The following FRK variants were observed in gnomAD, a reference collection of about 807,000 sequenced individuals.
FRK encodes the protein tyrosine-protein kinase FRK.
Under a neutral mutation model 56.4 loss-of-function variants are expected in FRK, and 51 were observed. The ratio of observed to expected loss-of-function variants is 0.90; its 90% CI spans 0.72 to 1.14. FRK has a LOEUF of 1.14. Among genes scored for constraint, FRK ranks in the 50% most tolerant of loss-of-function variants. FRK has a pLI of 0.00. For synonymous variants in FRK, 245 were observed against 217.9 expected (o/e 1.12, Z -1.10); for missense variants, 570 against 601.4 (o/e 0.95, Z 0.55).
chr6:115,960,137 G>A (rs1331782243), intron 4 of FRK, among the ~76,000 whole-genome samples: 1 of 151,698 alleles, frequency 6.6e-6, no homozygotes, highest in Non-Finnish European at 1.5e-5. Context: ...GAGGTACCGG[G>A]TTCATCTCAC....
intron 2 of FRK, among the ~76,000 whole-genome samples, chr6:115,973,437 T>A (rs1345478970): frequency 6.6e-6 from 1 of 152,044 alleles, no homozygotes; most frequent in Non-Finnish European, 1.5e-5. Flanking sequence ...TGGGATAGCA[T>A]TAGGAGAAAT....
chr6:116,054,169 T>C (rs1777286351), intron 1 of FRK, among the ~76,000 whole-genome samples: 1 of 151,406 alleles, frequency 6.6e-6, no homozygotes, highest in African/African-American at 2.4e-5. Context: ...AATAATATTA[T>C]ACCTGAGATG....
the FRK span, among the ~76,000 whole-genome samples, chr6:116,093,438 G>C: frequency 2.0e-5 from 3 of 152,324 alleles, no homozygotes; most frequent in South Asian, 6.2e-4. Context: ...GCAAACCTTT[G>C]ATCTCACTTG....
chr6:115,954,922 A>C (rs1772925760), intron 5 of FRK, among the ~76,000 whole-genome samples: 1 of 152,208 alleles, frequency 6.6e-6, no homozygotes. Flanking sequence ...AGCATGGATA[A>C]GAAATAAACA....
At chr6:116,064,552 T>G (rs1168010923), upstream of FRK, among the ~76,000 whole-genome samples, 2 of 152,042 alleles carry the variant, frequency 1.3e-5, no homozygotes, top group Non-Finnish European at 2.9e-5. Flanking sequence ...AGAGTGAAAG[T>G]TCTATAGTGT....
intron 4 of FRK, among the ~76,000 whole-genome samples, chr6:115,957,419 T>A (rs1357160475): frequency 3.3e-5 from 5 of 152,216 alleles, no homozygotes; most frequent in African/African-American, 4.8e-5. Context: ...AATTTTAAAA[T>A]CTTTTCTTTT....
At chr6:116,096,855 G>T in the FRK span, among the ~76,000 whole-genome samples, 1 of 152,156 alleles carries the variant, frequency 6.6e-6, no homozygotes, top group Non-Finnish European at 1.5e-5. Flanking sequence ...TTGGGTCCAT[G>T]CCACCTTTAA....
At chr6:116,065,761 T>C (rs992825905), upstream of FRK, among the ~76,000 whole-genome samples, 5 of 152,216 alleles carry the variant, frequency 3.3e-5, no homozygotes, top group Non-Finnish European at 5.9e-5. Context: ...AATGTAGTGT[T>C]CTTTTGTTCC....
At position 115,931,410 on chromosome 6, in the gene FRK, C is replaced by T. The variant is rs1422855337; in HGVS notation, c.*11004G>A. ...ATCTGGGTAAATAATAGCATTATAA[C>T]AAGTGGTACAATTAAAAGAGGTCTT... On this transcript the variant is annotated 3_prime_UTR_variant, in exon 8 of 8. Transcript: ENST00000606080. 2 of 152,084 alleles carry T rather than the reference C, an allele frequency of 1.3e-5. No individual in the cohort carries two copies. The highest frequency in any genetic ancestry group is 1.9e-4 in the East Asian group (1 of 5,196). 9.4% of individuals were successfully genotyped at this position (152,084 alleles called of 1,614,324 possible). A position where few individuals can be genotyped will look rare whatever the true frequency, so the allele number is the denominator to read the frequency against.
At chr6:115,999,352 T>C (rs1774963042) in intron 2 of FRK, among the ~76,000 whole-genome samples, 1 of 152,204 alleles carries the variant, frequency 6.6e-6, no homozygotes, top group African/African-American at 2.4e-5. Context: ...TCACAGCTAA[T>C]TAGTGTCTTG....
rs530377416 is a variant in FRK, at chr6:115,956,823, T to G, written c.800-213A>C. On this transcript the variant is annotated intron_variant, in intron 4 of 7. Coordinates refer to ENST00000606080, the MANE Select transcript of FRK (RefSeq NM_002031.3). ...GTGCATCAGGAGTATACGGTTTATA[T>G]GTTATGACCTGTAGGTGAAGAGAGG... Among the ~76,000 whole-genome samples, 3 of 152,308 alleles carry G rather than the reference T, an allele frequency of 2.0e-5. No individual in the cohort carries two copies. The South Asian group carries it at 6.2e-4, about 32-fold the overall frequency.
At chr6:116,072,161 GTACTATAAGAGGACTATTGCACTC>G in the FRK span, among the ~76,000 whole-genome samples, 1 of 152,008 alleles carries the variant, frequency 6.6e-6, no homozygotes, top group East Asian at 1.9e-4. Flanking sequence ...GAAGTATCAG[GTACTATAAGAGGACTATTGCACTC>G]TATTATACAC....
chr6:115,956,707 C>T (rs1582645002), intron 4 of FRK, 97 bp from the exon 5 acceptor site: 5 of 972,566 alleles, frequency 5.1e-6, no homozygotes, highest in Non-Finnish European at 7.4e-6. Context: ...TCCTGCTTCT[C>T]AGTAGAGTAA....
At chr6:116,025,402 T>C (rs1433655521) in intron 1 of FRK, among the ~76,000 whole-genome samples, 1 of 152,214 alleles carries the variant, frequency 6.6e-6, no homozygotes, top group African/African-American at 2.4e-5. Context: ...GCTTTCACTT[T>C]ATTCAAAAAA....
At chr6:116,085,034 G>A in the FRK span, among the ~76,000 whole-genome samples, 10 of 152,190 alleles carry the variant, frequency 6.6e-5, no homozygotes, top group Non-Finnish European at 1.5e-4. Context: ...GCAGTTAAGA[G>A]AGTGGTATGC....
the FRK span, among the ~76,000 whole-genome samples, chr6:116,087,242 C>A: frequency 6.6e-6 from 1 of 152,070 alleles, no homozygotes; most frequent in Admixed American, 6.5e-5. Context: ...GTGCCTGGCA[C>A]GCAGTATATT....
At chr6:115,994,046 C>T (rs868843006) in intron 2 of FRK, among the ~76,000 whole-genome samples, 1 of 151,882 alleles carries the variant, frequency 6.6e-6, no homozygotes, top group South Asian at 2.1e-4. Flanking sequence ...TATTCTTTTT[C>T]CCAAACCATG....
the FRK span, among the ~76,000 whole-genome samples, chr6:116,073,895 TC>T: frequency 1.3e-5 from 2 of 152,176 alleles, no homozygotes; most frequent in Non-Finnish European, 2.9e-5. Flanking sequence ...ACACGAGAGT[TC>T]CAAATTCTGG....
chr6:115,999,338 T>C (rs1407618043), intron 2 of FRK, among the ~76,000 whole-genome samples: 1 of 152,224 alleles, frequency 6.6e-6, no homozygotes, highest in African/African-American at 2.4e-5. Flanking sequence ...AGCGCTGCTG[T>C]AATTCACAGC....
Sources: gnomAD v4.1 joint callset for allele counts (sites outside exome capture counted in the v4.1 genomes callset) on GRCh38, gnomAD v4.1.1 for gene constraint, MANE v1.5 for transcripts, NCBI Gene and HGNC (gene_info 2026-07-23, HGNC 2026-07-21) for gene names.